SFXN4: variants seen among roughly 807,000 people sequenced by gnomAD.
SFXN4 encodes sideroflexin-4.
In SFXN4, 48 loss-of-function variants were observed where a neutral mutation model predicts 54.6. The observed-to-expected ratio is 0.88, with a 90% CI of 0.70 to 1.12. The LOEUF (loss-of-function observed/expected upper bound fraction) is 1.12. Among genes scored for constraint, SFXN4 ranks in the 50% most tolerant of loss-of-function variants. SFXN4 has a pLI of 0.00. For missense variants in SFXN4, 383 were observed against 409.2 expected (o/e 0.94, Z 0.55); for synonymous variants, 130 against 145.5 (o/e 0.89, Z 0.77).
At chr10:119,158,472 C>T (rs7089385) in intron 6 of SFXN4, among the ~76,000 whole-genome samples, 23,874 of 151,122 alleles carry the variant, frequency 0.16, 2,192 homozygotes, top group African/African-American at 0.24. Flanking sequence ...AGAAATTAGC[C>T]GGGTGTGGTG....
intron 11 of SFXN4, 68 bp downstream of exon 11, chr10:119,154,994 G>T: frequency 2.8e-6 from 3 of 1,053,308 alleles, no homozygotes; most frequent in Non-Finnish European, 4.4e-6. Context: ...TTTGTCACCG[G>T]CTTTCAAACA....
Position 119,160,755 on chromosome 10 carries a change from T to C in SFXN4, c.334+160A>G, listed in dbSNP as rs556401311. On this transcript the variant is annotated intron_variant, in intron 5 of 13. Coordinates refer to ENST00000355697, the MANE Select transcript of SFXN4 (RefSeq NM_213649.2). ...GGACTACAGGCACGTGCCACCACAATGCCCAACTAATTTTTTACATTTTTA... is the reference window on the plus strand; with the variant it reads ...GGACTACAGGCACGTGCCACCACAACGCCCAACTAATTTTTTACATTTTTA... 3.9e-5 allele frequency among the ~76,000 whole-genome samples: 6 copies of C among 151,922 alleles called. No individual in the cohort carries two copies. The South Asian group carries it at 8.3e-4, about 21-fold the overall frequency.
rs4752253 is a variant in SFXN4, at chr10:119,146,678, C to T, written c.819-325G>A. On this transcript the variant is annotated intron_variant, in intron 12 of 13. Transcript: ENST00000355697. ...CCGCCTCCTGGGTTCAAGCAATTCT[C>T]CTGCCTCAGCCTCCCGAGTAGCTGG... is the stretch of plus-strand genomic sequence containing the variant. 0.19 allele frequency among the ~76,000 whole-genome samples: 28,397 copies of T among 152,022 alleles called. 2,857 individuals are homozygous for T. Among genetic ancestry groups the T allele is most frequent in the Admixed American group, 0.25 (3,792 of 15,252 alleles).
At chr10:119,147,937 G>A (rs183859801) in intron 11 of SFXN4, 77 bp from the exon 12 acceptor site, 119 of 1,136,658 alleles carry the variant, frequency 1.0e-4, no homozygotes, top group Non-Finnish European at 1.5e-4. Flanking sequence ...TTGGGAGGCC[G>A]AGGCGGGTAG....
chr10:119,156,360 G>A (rs954625287), intron 10 of SFXN4, among the ~76,000 whole-genome samples: 4 of 152,218 alleles, frequency 2.6e-5, no homozygotes, highest in African/African-American at 9.7e-5. Context: ...TCCAGCAGGC[G>A]GAGGGTTGCA....
intron 13 of SFXN4, among the ~76,000 whole-genome samples, chr10:119,145,735 T>C (rs1459393846): frequency 6.6e-6 from 1 of 152,214 alleles, no homozygotes; most frequent in Non-Finnish European, 1.5e-5. Context: ...CAGTAAGCTA[T>C]TAATGGTTAA....
At chr10:119,145,076 G>A (rs1846730064) in intron 13 of SFXN4, among the ~76,000 whole-genome samples, 1 of 139,704 alleles carries the variant, frequency 7.2e-6, no homozygotes, top group South Asian at 2.6e-4. Context: ...AGATTTGAGG[G>A]ATAGAATTAA....
chr10:119,160,875 C>A, intron 5 of SFXN4, 40 bp downstream of exon 5: 1 of 1,606,294 alleles, frequency 6.2e-7, no homozygotes, highest in Non-Finnish European at 8.5e-7. Flanking sequence ...TTAGAAACTA[C>A]ATCTTCCCAA....
In SFXN4 at chr10:119,165,519, G is replaced by GCCGGGC. The variant is rs761514092; in HGVS notation, c.111+12_111+17dup. ...CCGCCCCCTCCCTGCCCCTAGTCGC[G>GCCGGGC]CCGGGCCCGGGCCGTACTTGGCGCT... On this transcript the variant is annotated intron_variant, in intron 1 of 13. Coordinates refer to ENST00000355697, the MANE Select transcript of SFXN4 (RefSeq NM_213649.2). 38 of 1,567,356 alleles carry GCCGGGC rather than the reference G, an allele frequency of 2.4e-5. No homozygotes were observed. Among genetic ancestry groups the GCCGGGC allele is most frequent in the Middle Eastern group, 1.7e-4 (1 of 5,776 alleles).
rs370716265 is a variant in SFXN4 at position 119,141,328 on chromosome 10, T to A, written c.937-9A>T. The A allele has an allele frequency of 7.2e-6, 11 of 1,519,040 alleles. No individual in the cohort carries two copies. In the South Asian group the frequency reaches 1.3e-4, roughly 18 times the overall value. The allele number at this position is 1,519,040 out of a possible 1,614,324, so 94.1% of individuals were successfully genotyped here. A position where few individuals can be genotyped will look rare whatever the true frequency, so the allele number is the denominator to read the frequency against. ...AGACTACAGTACTGTATCTGAAAAA[T>A]AGTTAAATTCATAATGTTTCTATTA... On this transcript the variant is annotated splice_polypyrimidine_tract_variant and intron_variant, in intron 13 of 13. Coordinates refer to ENST00000355697, the MANE Select transcript of SFXN4 (RefSeq NM_213649.2).
At chr10:119,161,786 G>C in intron 3 of SFXN4, among the ~76,000 whole-genome samples, 1 of 152,202 alleles carries the variant, frequency 6.6e-6, no homozygotes, top group Non-Finnish European at 1.5e-5. Flanking sequence ...CATGCCATCA[G>C]TCAAGTTACT....
In SFXN4 at chr10:119,152,512, G is replaced by A. The variant is rs1010162291; in HGVS notation, c.732+2550C>T. On this transcript the variant is annotated intron_variant, in intron 11 of 13. Transcript: ENST00000355697. Reference sequence around the variant, plus strand: ...CCAGGCTGGTCTCGAACTCCTGACCGACTGCAAGTGATCCAACTTACGGGT... The same window carrying A: ...CCAGGCTGGTCTCGAACTCCTGACCAACTGCAAGTGATCCAACTTACGGGT... 1.2e-4 allele frequency among the ~76,000 whole-genome samples: 19 copies of A among 152,072 alleles called. 1 individual carries two copies. The highest frequency in any genetic ancestry group is 1.0e-3 in the South Asian group (5 of 4,816).
At position 119,158,031 on chromosome 10, in the gene SFXN4, A is replaced by G. The variant is rs1207788592; in HGVS notation, c.392T>C (p.Ile131Thr). ...TACCTGAGGTAAAATCACGGACTTGATCCCTTTCAGTGGCGTCATTGACAA... is the reference window on the plus strand; with the variant it reads ...TACCTGAGGTAAAATCACGGACTTGGTCCCTTTCAGTGGCGTCATTGACAA... ...VFLSMTPLKGIKSVILPQVFL... is the reference protein window; with the variant it reads ...VFLSMTPLKGTKSVILPQVFL... Residue 131 changes from isoleucine to threonine, a missense_variant, in exon 7 of 14, where the codon ATC becomes ACC. Coordinates refer to ENST00000355697, the MANE Select transcript of SFXN4 (RefSeq NM_213649.2). 4 of 1,614,068 alleles carry G rather than the reference A, an allele frequency of 2.5e-6. No homozygotes were observed. The highest frequency in any genetic ancestry group is 3.4e-6 in the Non-Finnish European group (4 of 1,180,024).
At chr10:119,156,020 T>C (rs12776095) in intron 10 of SFXN4, among the ~76,000 whole-genome samples, 46,426 of 152,002 alleles carry the variant, frequency 0.31, 7,651 homozygotes, top group South Asian at 0.41. Flanking sequence ...TTACTTAACC[T>C]CCCTGTGCCT....
chr10:119,155,250 GGT>G, intron 10 of SFXN4, 73 bp from the exon 11 acceptor site: 1 of 1,039,768 alleles, frequency 9.6e-7, no homozygotes, highest in East Asian at 2.4e-5. Flanking sequence ...CATCTCTTTG[GGT>G]GTCTGCCCCC....
chr10:119,159,813 A>G (rs1474781839), intron 5 of SFXN4, 60 bp from the exon 6 acceptor site: 2 of 1,579,642 alleles, frequency 1.3e-6, no homozygotes, highest in African/African-American at 2.7e-5. Flanking sequence ...AGAGGGGGCC[A>G]GAAGGGGACT....
chr10:119,154,048 C>G (rs537976149), intron 11 of SFXN4, among the ~76,000 whole-genome samples: 1 of 151,898 alleles, frequency 6.6e-6, no homozygotes, highest in East Asian at 1.9e-4. Context: ...CGTGGTGGTA[C>G]GCACCTGTAA....
intron 1 of SFXN4, among the ~76,000 whole-genome samples, chr10:119,164,823 C>G (rs546618971): frequency 6.6e-6 from 1 of 152,176 alleles, no homozygotes; most frequent in South Asian, 2.1e-4. Context: ...TCAAAGAGAA[C>G]CCCCTAAAGC....
Position 119,142,904 on chromosome 10 carries a change from T to C in SFXN4, c.937-1585A>G, listed in dbSNP as rs538053025. Among the ~76,000 whole-genome samples the C allele has an allele frequency of 9.9e-5, 15 of 151,174 alleles. No homozygotes were observed. The East Asian group carries it at 3.0e-3, about 30-fold the overall frequency. ...CTGCCACCATGCCTGGCTAATTTTT[T>C]TGTATTTTTAGTAGAGACGGGGTTT... is the stretch of plus-strand genomic sequence containing the variant. On this transcript the variant is annotated intron_variant, in intron 13 of 13. Coordinates refer to ENST00000355697, the MANE Select transcript of SFXN4 (RefSeq NM_213649.2).
Sources: gnomAD v4.1 joint callset for allele counts (sites outside exome capture counted in the v4.1 genomes callset) on GRCh38, gnomAD v4.1.1 for gene constraint, MANE v1.5 for transcripts, NCBI Gene and HGNC (gene_info 2026-07-23, HGNC 2026-07-21) for gene names.